The following KIAA1217 variants were observed in gnomAD, a reference collection of about 807,000 sequenced individuals.
KIAA1217 encodes KIAA1217.
A neutral mutation model predicts 163.9 loss-of-function variants in KIAA1217; 88 were observed. That is an observed-to-expected ratio of 0.54 (90% CI 0.45 to 0.64). The LOEUF (loss-of-function observed/expected upper bound fraction) is 0.64, where lower values mean the gene tolerates loss of function less well. KIAA1217 is among the 30% of genes least tolerant of loss of function. KIAA1217 has a pLI of 0.00. For missense variants in KIAA1217, 2,372 were observed against 2,475.0 expected, an observed-to-expected ratio of 0.96 and a Z score of 0.88; for synonymous variants, 903 against 923.1, an observed-to-expected ratio of 0.98 and a Z score of 0.39.
At chr10:23,705,083 T>C (rs1381430900) in intron 1 of KIAA1217, among the ~76,000 whole-genome samples, 1 of 152,196 alleles carries the variant, frequency 6.6e-6, no homozygotes, top group Non-Finnish European at 1.5e-5. Context: ...ATTGGACATT[T>C]GCATATCTTC....
intron 2 of KIAA1217, among the ~76,000 whole-genome samples, chr10:24,317,198 C>A (rs922012543): frequency 6.6e-6 from 1 of 152,100 alleles, no homozygotes; most frequent in Non-Finnish European, 1.5e-5. Flanking sequence ...TCAATGTATA[C>A]CTAATATCTA....
At chr10:24,170,780 A>G (rs78342334) in intron 2 of KIAA1217, among the ~76,000 whole-genome samples, 2,661 of 152,336 alleles carry the variant, frequency 0.017, 27 homozygotes, top group Middle Eastern at 0.058. Context: ...AGAAAAGTCT[A>G]CATGGATTGA....
chr10:23,963,187 A>G (rs762915613), intron 1 of KIAA1217, among the ~76,000 whole-genome samples: 1 of 152,170 alleles, frequency 6.6e-6, no homozygotes, highest in Non-Finnish European at 1.5e-5. Flanking sequence ...ATATGGGTAT[A>G]CACGTGACAT....
chr10:24,219,072 T>TGCACACAAGTA (rs752663899), intron 1 of KIAA1217, among the ~76,000 whole-genome samples: 16 of 152,190 alleles, frequency 1.1e-4, no homozygotes, highest in Admixed American at 2.6e-4. Flanking sequence ...CCCTATTGCC[T>TGCACACAAGTA]GCACACAAGT....
At chr10:23,754,091 G>A in intron 1 of KIAA1217, among the ~76,000 whole-genome samples, 1 of 152,160 alleles carries the variant, frequency 6.6e-6, no homozygotes, top group Non-Finnish European at 1.5e-5. Context: ...TATCTGCCAG[G>A]CTGAGCTGTG....
At chr10:24,187,038 C>T (rs749958897) in intron 2 of KIAA1217, among the ~76,000 whole-genome samples, 9 of 152,176 alleles carry the variant, frequency 5.9e-5, no homozygotes, top group Admixed American at 1.3e-4. Context: ...CCTCTTCCAA[C>T]GGTGCCTCAT....
At chr10:23,763,556 C>G (rs1352332069) in intron 1 of KIAA1217, among the ~76,000 whole-genome samples, 1 of 152,266 alleles carries the variant, frequency 6.6e-6, no homozygotes, top group East Asian at 1.9e-4. Context: ...ATGCAGAAAA[C>G]TGAAACTGGT....
chr10:23,834,379 A>C (rs1217708084), intron 1 of KIAA1217, among the ~76,000 whole-genome samples: 2 of 152,160 alleles, frequency 1.3e-5, no homozygotes, highest in Admixed American at 6.6e-5. Context: ...ACCCAATGTC[A>C]GGTTTATTCA....
chr10:24,195,996 G>A (rs1327822972), intron 2 of KIAA1217, among the ~76,000 whole-genome samples: 1 of 151,854 alleles, frequency 6.6e-6, no homozygotes, highest in African/African-American at 2.4e-5. Flanking sequence ...TTATCCAGGT[G>A]TGGTGGTGTG....
At chr10:24,433,581 A>T (rs1002187173) in intron 4 of KIAA1217, among the ~76,000 whole-genome samples, 4 of 152,110 alleles carry the variant, frequency 2.6e-5, no homozygotes, top group African/African-American at 9.7e-5. Flanking sequence ...GATTCAGTCC[A>T]CCATTTTATC....
At chr10:24,132,928 A>G (rs1025881895) in intron 2 of KIAA1217, among the ~76,000 whole-genome samples, 4 of 152,208 alleles carry the variant, frequency 2.6e-5, no homozygotes, top group Non-Finnish European at 5.9e-5. Flanking sequence ...TGACTCAAAC[A>G]TGAGAAATCT....
intron 9 of KIAA1217, among the ~76,000 whole-genome samples, chr10:24,510,568 C>G (rs2068959708): frequency 1.3e-5 from 2 of 152,128 alleles, no homozygotes; most frequent in Non-Finnish European, 2.9e-5. Context: ...CAGTTGGGAC[C>G]CAGGCATTGG....
chr10:24,016,957 T>C (rs553153673), intron 2 of KIAA1217, among the ~76,000 whole-genome samples: 1 of 152,046 alleles, frequency 6.6e-6, no homozygotes, highest in African/African-American at 2.4e-5. Flanking sequence ...GGTAGCATTA[T>C]AGACTTACCC....
chr10:24,367,300 G>A (rs1401151328), intron 2 of KIAA1217: 3 of 276,376 alleles, frequency 1.1e-5, no homozygotes, highest in South Asian at 1.4e-4. Context: ...AGCCACTAAC[G>A]CCTGCACTTT....
At chr10:24,474,346 A>G (rs1273584424) in intron 6 of KIAA1217, among the ~76,000 whole-genome samples, 1 of 152,220 alleles carries the variant, frequency 6.6e-6, no homozygotes, top group Non-Finnish European at 1.5e-5. Flanking sequence ...GAGCATTATC[A>G]TTTGTATAAA....
intron 1 of KIAA1217, among the ~76,000 whole-genome samples, chr10:23,901,544 T>A (rs1440796179): frequency 6.6e-6 from 1 of 152,090 alleles, no homozygotes; most frequent in Non-Finnish European, 1.5e-5. Flanking sequence ...AAAATTTAAT[T>A]GGTGACTTAG....
At position 24,248,522 on chromosome 10, in the gene KIAA1217, T is replaced by G. The variant is rs184078586; in HGVS notation, c.354+28613T>G. On this transcript the variant is annotated intron_variant, in intron 2 of 20. Transcript: ENST00000376454. ...CCCGTCTCTACTAAAAATATAAAAATTAGCCGGGCATGGTGGCGGGTGCCT... is the reference window on the plus strand; with the variant it reads ...CCCGTCTCTACTAAAAATATAAAAAGTAGCCGGGCATGGTGGCGGGTGCCT... 2.8e-3 allele frequency among the ~76,000 whole-genome samples: 427 copies of G among 151,814 alleles called. 5 individuals carry two copies. The East Asian group carries it at 0.055, about 20-fold the overall frequency.
intron 1 of KIAA1217, among the ~76,000 whole-genome samples, chr10:23,891,642 C>A (rs1234900391): frequency 6.6e-6 from 1 of 151,952 alleles, no homozygotes; most frequent in Admixed American, 6.6e-5. Context: ...TCAATTACAG[C>A]GTTGTACTTT....
intron 2 of KIAA1217, among the ~76,000 whole-genome samples, chr10:24,371,199 T>A (rs1029481864): frequency 3.3e-5 from 5 of 152,292 alleles, no homozygotes; most frequent in African/African-American, 9.6e-5. Flanking sequence ...GGCAGGTTGA[T>A]GTCTAATCCT....
Sources: gnomAD v4.1 joint callset for allele counts (sites outside exome capture counted in the v4.1 genomes callset) on GRCh38, gnomAD v4.1.1 for gene constraint, MANE v1.5 for transcripts, NCBI Gene and HGNC (gene_info 2026-07-23, HGNC 2026-07-21) for gene names.